DOCK3: variants seen among roughly 807,000 people sequenced by gnomAD.
DOCK3 encodes the protein dedicator of cytokinesis 3.
DOCK3 carries 60 observed loss-of-function variants against 265.6 expected under a neutral mutation model. That is an observed-to-expected ratio of 0.23 (90% confidence interval 0.18 to 0.28). DOCK3 has a LOEUF of 0.28. Among genes scored for constraint, DOCK3 ranks in the 10% least tolerant of loss-of-function variants. DOCK3 has a pLI of 1.00. For synonymous variants in DOCK3, 881 were observed against 938.0 expected (o/e 0.94, Z 1.11); for missense variants, 1,981 against 2,594.3 (o/e 0.76, Z 5.14).
intron 2 of DOCK3, among the ~76,000 whole-genome samples, chr3:50,782,786 C>G (rs1023659615): frequency 6.6e-6 from 1 of 151,792 alleles, no homozygotes; most frequent in Non-Finnish European, 1.5e-5. Context: ...CCTCACCCAC[C>G]TCCCACCCTT....
At chr3:50,892,158 T>C (rs1258494773) in intron 4 of DOCK3, among the ~76,000 whole-genome samples, 5 of 152,114 alleles carry the variant, frequency 3.3e-5, no homozygotes, top group African/African-American at 1.2e-4. Flanking sequence ...TGAGAGGCTA[T>C]GATCTTTGAA....
chr3:51,139,549 A>G (rs2084955788), intron 9 of DOCK3, among the ~76,000 whole-genome samples: 1 of 152,144 alleles, frequency 6.6e-6, no homozygotes, highest in East Asian at 1.9e-4. Context: ...TTCATTCAAT[A>G]TTTATTGAGC....
At chr3:51,242,615 T>A (rs760625513) in intron 21 of DOCK3, among the ~76,000 whole-genome samples, 29 of 151,928 alleles carry the variant, frequency 1.9e-4, no homozygotes, top group Admixed American at 3.3e-4. Flanking sequence ...AAGGTCTGGG[T>A]GCCTCCTCTG....
At chr3:50,728,956 T>G (rs2038011419) in intron 1 of DOCK3, among the ~76,000 whole-genome samples, 1 of 148,748 alleles carries the variant, frequency 6.7e-6, no homozygotes, top group Non-Finnish European at 1.5e-5. Context: ...ACTCCTGACC[T>G]CTAGTGATCT....
chr3:50,863,053 A>C (rs536723355), intron 3 of DOCK3, among the ~76,000 whole-genome samples: 17 of 152,178 alleles, frequency 1.1e-4, no homozygotes, highest in African/African-American at 3.9e-4. Flanking sequence ...CACTACTCCT[A>C]TGTTTTATTT....
chr3:51,011,566 T>C (rs2078951088), intron 5 of DOCK3, among the ~76,000 whole-genome samples: 1 of 152,216 alleles, frequency 6.6e-6, no homozygotes, highest in South Asian at 2.1e-4. Context: ...GTGATGAGTT[T>C]GAACTTCCTC....
intron 51 of DOCK3, among the ~76,000 whole-genome samples, chr3:51,376,925 C>T (rs532797846): frequency 6.6e-6 from 1 of 152,344 alleles, no homozygotes; most frequent in East Asian, 1.9e-4. Flanking sequence ...TCGTATATCC[C>T]GAAAACATGC....
At chr3:50,973,126 GTTTTC>G (rs1316792613) in intron 5 of DOCK3, among the ~76,000 whole-genome samples, 1 of 56,742 alleles carries the variant, frequency 1.8e-5, no homozygotes, top group African/African-American at 6.3e-5. Context: ...TTTTTTTGTA[GTTTTC>G]TTTTTTTTTT....
chr3:50,702,588 C>T (rs1385503315), intron 1 of DOCK3, among the ~76,000 whole-genome samples: 8 of 152,144 alleles, frequency 5.3e-5, no homozygotes, highest in Admixed American at 3.3e-4. Context: ...AGGCTGGTCT[C>T]GATCTCCTGA....
chr3:50,988,306 C>A (rs183827203), intron 5 of DOCK3, among the ~76,000 whole-genome samples: 1 of 152,168 alleles, frequency 6.6e-6, no homozygotes, highest in South Asian at 2.1e-4. Flanking sequence ...AGATCCCACT[C>A]CTCACTGTGT....
intron 32 of DOCK3, among the ~76,000 whole-genome samples, chr3:51,320,430 T>G (rs556039600): frequency 1.3e-5 from 2 of 151,054 alleles, no homozygotes; most frequent in Non-Finnish European, 3.0e-5. Context: ...TTGTTTTTGT[T>G]TTTTTTTTTC....
chr3:50,922,433 A>G (rs1467130627), intron 4 of DOCK3, among the ~76,000 whole-genome samples: 1 of 152,142 alleles, frequency 6.6e-6, no homozygotes, highest in African/African-American at 2.4e-5. Flanking sequence ...GGAGTGTCCA[A>G]TTTTCCAGTT....
At chr3:51,211,592 A>G (rs886155382) in intron 13 of DOCK3, among the ~76,000 whole-genome samples, 5 of 131,210 alleles carry the variant, frequency 3.8e-5, no homozygotes, top group Non-Finnish European at 6.4e-5. Context: ...TTTCCCACCT[A>G]TGAGTGAGAA....
intron 3 of DOCK3, among the ~76,000 whole-genome samples, chr3:50,882,644 TAGG>T (rs978355052): frequency 1.9e-4 from 29 of 152,154 alleles, no homozygotes; most frequent in East Asian, 3.9e-4. Flanking sequence ...TGTGGAGAAA[TAGG>T]AGCACTTTTA....
intron 14 of DOCK3, among the ~76,000 whole-genome samples, chr3:51,223,064 G>A (rs1000495499): frequency 6.6e-5 from 10 of 152,102 alleles, no homozygotes; most frequent in Non-Finnish European, 4.4e-5. Flanking sequence ...TCAGCCTCCT[G>A]AGTAGCTAGG....
chr3:51,369,162 G>A (rs1175773873), intron 49 of DOCK3, among the ~76,000 whole-genome samples: 1 of 152,254 alleles, frequency 6.6e-6, no homozygotes, highest in Non-Finnish European at 1.5e-5. Flanking sequence ...CTCCTCGCCA[G>A]CAATGGAACA....
chr3:50,756,481 AT>A (rs1025681538), intron 1 of DOCK3, among the ~76,000 whole-genome samples: 17 of 151,544 alleles, frequency 1.1e-4, no homozygotes, highest in Non-Finnish European at 2.2e-4. Context: ...CAAAACATAC[AT>A]TTTTTTTGTT....
At chr3:51,344,025 AG>A (rs1434769218) in intron 38 of DOCK3, among the ~76,000 whole-genome samples, 2 of 152,172 alleles carry the variant, frequency 1.3e-5, no homozygotes, top group Non-Finnish European at 2.9e-5. Context: ...TGAAGATCAG[AG>A]CTGGTCCTGC....
At chr3:50,710,646 G>A (rs1342026099) in intron 1 of DOCK3, among the ~76,000 whole-genome samples, 1 of 152,146 alleles carries the variant, frequency 6.6e-6, no homozygotes, top group Non-Finnish European at 1.5e-5. Context: ...TAATTGAGCA[G>A]TCTCACCACC....
Sources: gnomAD v4.1 joint callset for allele counts (sites outside exome capture counted in the v4.1 genomes callset) on GRCh38, gnomAD v4.1.1 for gene constraint, MANE v1.5 for transcripts, NCBI Gene and HGNC (gene_info 2026-07-23, HGNC 2026-07-21) for gene names.